The following EPHX1 variants were observed in gnomAD, a reference collection of about 807,000 sequenced individuals.
The protein encoded by EPHX1 is epoxide hydratase.
A neutral mutation model predicts 43.2 loss-of-function variants in EPHX1; 40 were observed. The observed-to-expected ratio is 0.93, with a 90% CI of 0.72 to 1.21. EPHX1 has a LOEUF of 1.21. Among genes scored for constraint, EPHX1 ranks in the 50% most tolerant of loss-of-function variants. The probability of loss-of-function intolerance (pLI) is 0.00; values close to 1 mark genes in which losing one functional copy is unlikely to be tolerated. For synonymous variants in EPHX1, 221 were observed against 226.7 expected (o/e 0.98, Z 0.22); for missense variants, 550 against 570.4 (o/e 0.96, Z 0.36).
chr1:225,837,348 T>A (rs1668021634), intron 3 of EPHX1, among the ~76,000 whole-genome samples: 1 of 152,214 alleles, frequency 6.6e-6, no homozygotes, highest in Non-Finnish European at 1.5e-5. Context: ...GCCCTCACTG[T>A]GAATGCCGTA....
At chr1:225,822,585 G>A (rs1667024238) in intron 1 of EPHX1, among the ~76,000 whole-genome samples, 1 of 152,168 alleles carries the variant, frequency 6.6e-6, no homozygotes, top group Non-Finnish European at 1.5e-5. Context: ...ATGTTTTGAA[G>A]AAGTTCTAAT....
At position 225,828,930 on chromosome 1, in the gene EPHX1, G is replaced by T. The variant is rs763966008; in HGVS notation, c.183+18G>T. ...AGATCCACGTAAGGCACCTTGGGCCGGGCCGGGCTGGGCAGTGGAGAGGGT... is the reference window on the plus strand; with the variant it reads ...AGATCCACGTAAGGCACCTTGGGCCTGGCCGGGCTGGGCAGTGGAGAGGGT... On this transcript the variant is annotated intron_variant, in intron 2 of 8. Coordinates refer to ENST00000272167, the MANE Select transcript of EPHX1 (RefSeq NM_001136018.4). The T allele has an allele frequency of 6.4e-7, 1 of 1,555,936 alleles. No individual in the cohort carries two copies.
At chr1:225,835,015 T>C (rs1667874969) in intron 3 of EPHX1, among the ~76,000 whole-genome samples, 1 of 152,112 alleles carries the variant, frequency 6.6e-6, no homozygotes, top group Admixed American at 6.6e-5. Flanking sequence ...AGCCCCACAA[T>C]CTTCCTTTGA....
chr1:225,844,676 C>T (rs1044040795), intron 8 of EPHX1, 53 bp downstream of exon 8: 19 of 1,608,934 alleles, frequency 1.2e-5, no homozygotes, highest in African/African-American at 6.7e-5. Context: ...GGCAGGGGGA[C>T]GGCCAGTCTT....
At chr1:225,829,165 G>C (rs1035823873) in intron 2 of EPHX1, among the ~76,000 whole-genome samples, 7 of 152,064 alleles carry the variant, frequency 4.6e-5, no homozygotes, top group Non-Finnish European at 5.9e-5. Context: ...CAGGAGATGG[G>C]GTAACCTGTA....
intron 3 of EPHX1, 70 bp from the exon 4 acceptor site, chr1:225,838,584 G>A (rs1271658036): frequency 7.2e-7 from 1 of 1,383,826 alleles, no homozygotes; most frequent in East Asian, 2.3e-5. Flanking sequence ...CTAGGCTCTG[G>A]GGGGTGCCAG....
rs775864841 is a variant in EPHX1 at position 225,838,894 on chromosome 1, T to C, written c.592+13T>C. ...TCCTCCAAGAAGGGTACGGGGCTGC[T>C]AGAGGTTCCATAACTGCCCCGTCCT... On this transcript the variant is annotated intron_variant, in intron 4 of 8. Transcript: ENST00000272167. 30 of 1,612,736 alleles carry C rather than the reference T, an allele frequency of 1.9e-5. 1 individual carries two copies. In the South Asian group the frequency reaches 3.2e-4, roughly 17 times the overall value.
At chr1:225,833,258 T>C (rs1043524340) in intron 3 of EPHX1, among the ~76,000 whole-genome samples, 1 of 152,264 alleles carries the variant, frequency 6.6e-6, no homozygotes, top group Non-Finnish European at 1.5e-5. Context: ...AGATTTTAAT[T>C]TGTTAAAATT....
At position 225,845,497 on chromosome 1, in the gene EPHX1, A is replaced by G; in HGVS notation, c.*150A>G. 1 of 740,634 alleles carries G rather than the reference A, an allele frequency of 1.4e-6. No individual in the cohort carries two copies. The highest frequency in any genetic ancestry group is 2.2e-6 in the Non-Finnish European group (1 of 450,560). 45.9% of individuals were successfully genotyped at this position (740,634 alleles called of 1,614,324 possible). On this transcript the variant is annotated 3_prime_UTR_variant, in exon 9 of 9. Transcript: ENST00000272167. ...CTCACCCCCTCACCCCTCCAAGCTC[A>G]CTCCCCAACCCCCAACTCCGTGTGG... is the stretch of plus-strand genomic sequence containing the variant.
intron 5 of EPHX1, 115 bp from the exon 6 acceptor site, chr1:225,839,712 AAG>A: frequency 8.7e-7 from 1 of 1,154,618 alleles, no homozygotes; most frequent in Non-Finnish European, 1.3e-6. Context: ...CCAGTGCTGA[AAG>A]AGGCTGGCTC....
At position 225,845,242 on chromosome 1, in the gene EPHX1, C is replaced by G; in HGVS notation, c.1263C>G (p.Ile421Met). Residue 421 changes from isoleucine to methionine, a missense_variant, in exon 9 of 9, where the codon ATC (isoleucine) becomes ATG (methionine). Transcript: ENST00000272167. ...TGAGGTTCAAGTACCCAAAGCTCAT[C>G]TCCTATTCCTACATGGTTCGTGGGG... ...KWVRFKYPKL[I>M]SYSYMVRGGH... The G allele has an allele frequency of 4.3e-6, 7 of 1,614,094 alleles. No homozygotes were observed. The highest frequency in any genetic ancestry group is 5.9e-6 in the Non-Finnish European group (7 of 1,180,004).
chr1:225,820,631 T>C (rs1666939666), intron 1 of EPHX1, among the ~76,000 whole-genome samples: 1 of 152,156 alleles, frequency 6.6e-6, no homozygotes, highest in Non-Finnish European at 1.5e-5. Context: ...GCTTCCTCAC[T>C]TCCATCCCAT....
intron 1 of EPHX1, chr1:225,825,318 T>TG (rs1292519185): frequency 1.1e-4 from 17 of 151,428 alleles, no homozygotes; most frequent in Admixed American, 1.1e-3. Flanking sequence ...CCGTGGGGAG[T>TG]GGGGGCCAGT....
chr1:225,841,501 C>G (rs543971795), intron 6 of EPHX1, among the ~76,000 whole-genome samples: 1 of 151,552 alleles, frequency 6.6e-6, no homozygotes, highest in Admixed American at 6.6e-5. Flanking sequence ...CCAGGCTGGT[C>G]TCGAACTCCT....
At chr1:225,837,707 A>G (rs1423250312) in intron 3 of EPHX1, among the ~76,000 whole-genome samples, 1 of 151,792 alleles carries the variant, frequency 6.6e-6, no homozygotes, top group Admixed American at 6.6e-5. Flanking sequence ...TTTAGTAGAG[A>G]CGGGGTTTCA....
chr1:225,845,530 C>G lies in EPHX1; in HGVS notation c.*183C>G, dbSNP rs897049730. The G allele has an allele frequency of 1.6e-6, 1 of 637,678 alleles. No homozygotes were observed. The highest frequency in any genetic ancestry group is 2.7e-6 in the Non-Finnish European group (1 of 367,528). 39.5% of individuals were successfully genotyped at this position (637,678 alleles called of 1,614,324 possible). A position where few individuals can be genotyped will look rare whatever the true frequency, so the allele number is the denominator to read the frequency against. On this transcript the variant is annotated 3_prime_UTR_variant, in exon 9 of 9. Transcript: ENST00000272167. ...ACCCCCAACTCCGTGTGGTAAGCAA[C>G]ATGGCTTTGATGATAAACGACTTTA...
chr1:225,839,806 C>T (rs2102761043), intron 5 of EPHX1, 23 bp from the exon 6 acceptor site: 1 of 1,612,204 alleles, frequency 6.2e-7, no homozygotes, highest in Admixed American at 1.7e-5. Flanking sequence ...CAGCCTCACC[C>T]CGGCCCCTCT....
chr1:225,820,576 G>A (rs889020761), intron 1 of EPHX1, among the ~76,000 whole-genome samples: 6 of 152,120 alleles, frequency 3.9e-5, no homozygotes, highest in African/African-American at 9.7e-5. Flanking sequence ...ACTCTTATGC[G>A]AAAATAGCCT....
intron 5 of EPHX1, 100 bp from the exon 6 acceptor site, chr1:225,839,729 C>T: frequency 2.3e-6 from 3 of 1,293,726 alleles, no homozygotes; most frequent in Non-Finnish European, 3.4e-6. Flanking sequence ...TGGCTCTGTG[C>T]TCGCTCCTCA....
Sources: gnomAD v4.1 joint callset for allele counts (sites outside exome capture counted in the v4.1 genomes callset) on GRCh38, gnomAD v4.1.1 for gene constraint, MANE v1.5 for transcripts, NCBI Gene and HGNC (gene_info 2026-07-23, HGNC 2026-07-21) for gene names.